Variants in ARID1B observed in about 807,000 individuals in gnomAD.
ARID1B encodes AT-rich interaction domain 1B.
In ARID1B, 30 loss-of-function variants were observed where a neutral mutation model predicts 212.3. That is an observed-to-expected ratio of 0.14 (90% CI 0.11 to 0.19). The LOEUF is 0.19. Among genes scored for constraint, ARID1B ranks in the 10% least tolerant of loss-of-function variants. The pLI is 1.00. For synonymous variants in ARID1B, 1,402 were observed against 1,301.7 expected, an observed-to-expected ratio of 1.08 and a Z score of -1.66; for missense variants, 2,891 against 3,204.0, an observed-to-expected ratio of 0.90 and a Z score of 2.36.
intron 2 of ARID1B, among the ~76,000 whole-genome samples, chr6:156,880,587 A>C (rs1786970095): frequency 6.6e-6 from 1 of 152,070 alleles, no homozygotes; most frequent in South Asian, 2.1e-4. Flanking sequence ...AAAAATACAA[A>C]GATTAGCTGG....
chr6:157,060,578 A>G (rs1783272712), intron 4 of ARID1B, among the ~76,000 whole-genome samples: 1 of 150,310 alleles, frequency 6.7e-6, no homozygotes, highest in Admixed American at 6.6e-5. Context: ...GTTAACATAT[A>G]GATTTAAACT....
intron 4 of ARID1B, among the ~76,000 whole-genome samples, chr6:157,069,054 C>T (rs970359098): frequency 6.6e-6 from 1 of 152,110 alleles, no homozygotes; most frequent in Non-Finnish European, 1.5e-5. Flanking sequence ...TGAAATGTAG[C>T]GTCCCCCTAC....
At chr6:157,154,595 T>G (rs1397396935) in intron 8 of ARID1B, among the ~76,000 whole-genome samples, 1 of 147,800 alleles carries the variant, frequency 6.8e-6, no homozygotes, top group Admixed American at 6.7e-5. Context: ...TTTTTTTTTT[T>G]TTTGAGTTGG....
chr6:156,892,912 A>G (rs577981482), intron 2 of ARID1B, among the ~76,000 whole-genome samples: 1 of 152,302 alleles, frequency 6.6e-6, no homozygotes, highest in East Asian at 1.9e-4. Flanking sequence ...TAAAAACAAT[A>G]AGTCTTTCAA....
intron 1 of ARID1B, among the ~76,000 whole-genome samples, chr6:156,781,223 T>A (rs892695438): frequency 2.0e-5 from 3 of 152,102 alleles, no homozygotes; most frequent in Non-Finnish European, 4.4e-5. Context: ...TCCTGTGAAA[T>A]ACTAAGAATC....
chr6:157,205,184 A>G (rs1466006895), intron 19 of ARID1B: 1 of 152,254 alleles, frequency 6.6e-6, no homozygotes, highest in Admixed American at 6.5e-5. Context: ...CCTTCAGCAC[A>G]CTAAAAGCAG....
intron 4 of ARID1B, among the ~76,000 whole-genome samples, chr6:156,982,067 G>A (rs1342327631): frequency 6.6e-6 from 1 of 151,366 alleles, no homozygotes; most frequent in African/African-American, 2.4e-5. Flanking sequence ...CTCATGTGTG[G>A]ATCTCCCGTT....
At chr6:156,796,009 G>A (rs1339056041) in intron 1 of ARID1B, among the ~76,000 whole-genome samples, 2 of 152,102 alleles carry the variant, frequency 1.3e-5, no homozygotes, top group Admixed American at 6.6e-5. Context: ...CCTGTTTGCG[G>A]TGGGAAAGCT....
chr6:156,918,377 G>A lies in ARID1B; in HGVS notation c.2136+16852G>A, dbSNP rs78022024. Among the ~76,000 whole-genome samples, 952 of 152,220 alleles carry A rather than the reference G, an allele frequency of 6.3e-3. 14 individuals are homozygous for A. Among genetic ancestry groups the A allele is most frequent in the African/African-American group, 0.022 (903 of 41,502 alleles). ...ACAAGGCCTGTGGAAAGCCACTGAAGTGTTCATTTCACTTATTTTAAGATT... is the reference window on the plus strand; with the variant it reads ...ACAAGGCCTGTGGAAAGCCACTGAAATGTTCATTTCACTTATTTTAAGATT... On this transcript the variant is annotated intron_variant, in intron 3 of 19. Coordinates refer to ENST00000636930, the MANE Select transcript of ARID1B (RefSeq NM_001374828.1).
At position 157,200,956 on chromosome 6, in the gene ARID1B, G is replaced by T; in HGVS notation, c.4731G>T (p.Ser1577=). Residue 1577 remains serine, a synonymous_variant, in exon 18 of 20, where the codon TCG becomes TCT. Coordinates refer to ENST00000636930, the MANE Select transcript of ARID1B (RefSeq NM_001374828.1). The surrounding 1 kb of genome is among the most constrained non-coding windows in gnomAD (Gnocchi z 4.3). Reference sequence around the variant, plus strand: ...AGATGATGGGCGGCCCGCTGCAGTCGTCCTCCAGTGAGGGGCCTCAGCAGA... The same window carrying T: ...AGATGATGGGCGGCCCGCTGCAGTCTTCCTCCAGTGAGGGGCCTCAGCAGA... The part of the protein sequence containing the change: ...PPQMMGGPLQ[S]SSSEGPQQNM... 3 of 1,614,040 alleles carry T rather than the reference G, an allele frequency of 1.9e-6. No homozygotes were observed. The highest frequency in any genetic ancestry group is 2.7e-5 in the African/African-American group (2 of 75,052).
chr6:156,856,885 AC>A (rs1218037749), intron 2 of ARID1B, among the ~76,000 whole-genome samples: 1 of 152,086 alleles, frequency 6.6e-6, no homozygotes, highest in Non-Finnish European at 1.5e-5. Context: ...ACATATCTAA[AC>A]TGGACCGTTG....
chr6:157,100,716 C>A (rs1175783649), intron 5 of ARID1B, among the ~76,000 whole-genome samples: 1 of 152,156 alleles, frequency 6.6e-6, no homozygotes, highest in Non-Finnish European at 1.5e-5. Flanking sequence ...CAGAGCTGTA[C>A]CATCTTACCA....
intron 2 of ARID1B, among the ~76,000 whole-genome samples, chr6:156,864,986 A>C (rs1029622275): frequency 6.6e-6 from 1 of 152,110 alleles, no homozygotes; most frequent in African/African-American, 2.4e-5. Flanking sequence ...TTAGAATCTC[A>C]ATCGGTTATA....
At chr6:157,176,181 AC>A (rs200761063) in intron 11 of ARID1B, among the ~76,000 whole-genome samples, 4,750 of 152,254 alleles carry the variant, frequency 0.031, 267 homozygotes, top group African/African-American at 0.11. Flanking sequence ...ATTCGCTCTT[AC>A]CTTCTCTGTA....
intron 4 of ARID1B, among the ~76,000 whole-genome samples, chr6:157,064,653 G>GC (rs1562589430): frequency 6.6e-6 from 1 of 152,152 alleles, no homozygotes; most frequent in Non-Finnish European, 1.5e-5. Context: ...TTTAGCTGCT[G>GC]CACCTGACGA....
At chr6:156,894,231 C>G (rs1788193274) in intron 2 of ARID1B, among the ~76,000 whole-genome samples, 1 of 115,526 alleles carries the variant, frequency 8.7e-6, no homozygotes, top group East Asian at 2.7e-4. Flanking sequence ...CAAGACTAAC[C>G]AAATTCATAG....
chr6:157,171,472 C>T (rs577048702), intron 9 of ARID1B, among the ~76,000 whole-genome samples: 3 of 152,218 alleles, frequency 2.0e-5, no homozygotes, highest in Admixed American at 1.3e-4. Flanking sequence ...GCATATGGCT[C>T]GTTTCAGTGA....
chr6:157,034,449 C>A (rs778623822), intron 4 of ARID1B, among the ~76,000 whole-genome samples: 1 of 152,152 alleles, frequency 6.6e-6, no homozygotes, highest in Non-Finnish European at 1.5e-5. Flanking sequence ...TTGTTTTAAT[C>A]GGATTAACAC....
At chr6:156,934,495 G>A (rs566806759) in intron 3 of ARID1B, among the ~76,000 whole-genome samples, 3 of 152,194 alleles carry the variant, frequency 2.0e-5, no homozygotes, top group Admixed American at 6.5e-5. Context: ...TTTTGGGTGT[G>A]TTTTGTTCCC....
Sources: gnomAD v4.1 joint callset for allele counts (sites outside exome capture counted in the v4.1 genomes callset) on GRCh38, gnomAD v4.1.1 for gene constraint, Gnocchi (gnomAD v3.1) non-coding constraint, MANE v1.5 for transcripts, NCBI Gene and HGNC (gene_info 2026-07-23, HGNC 2026-07-21) for gene names.